JAKMIP3: variants seen among roughly 807,000 people sequenced by gnomAD.
The protein encoded by JAKMIP3 is Janus kinase and microtubule interacting protein 3, also known as janus kinase and microtubule-interacting protein 3.
In JAKMIP3, 58 loss-of-function variants were observed where a neutral mutation model predicts 118.5. The ratio of observed to expected loss-of-function variants is 0.49; its 90% CI spans 0.40 to 0.61. JAKMIP3 has a LOEUF of 0.61. Ranked by LOEUF, JAKMIP3 falls within the 20% of genes least tolerant of loss-of-function variation. JAKMIP3 has a pLI of 0.00. For missense variants in JAKMIP3, 950 were observed against 1,109.0 expected, an observed-to-expected ratio of 0.86 and a Z score of 2.04; for synonymous variants, 486 against 451.2, an observed-to-expected ratio of 1.08 and a Z score of -0.98.
rs760920909 is a variant in JAKMIP3 at position 132,153,838 on chromosome 10, C to T, written c.2142+11C>T. 7 of 1,613,074 alleles carry T rather than the reference C, an allele frequency of 4.3e-6. No homozygotes were observed. The highest frequency in any genetic ancestry group is 1.3e-5 in the African/African-American group (1 of 75,042). The stretch of plus-strand genomic sequence containing the variant: ...CTGGAGAGCGAGAAGGTTGGTGGCA[C>T]CTTCACCGAGGTTCTGCGGCTCGGT... On this transcript the variant is annotated intron_variant, in intron 18 of 23. Transcript: ENST00000684848.
intron 3 of JAKMIP3, among the ~76,000 whole-genome samples, chr10:132,122,403 G>A (rs1327382759): frequency 6.6e-6 from 1 of 152,280 alleles, no homozygotes; most frequent in Non-Finnish European, 1.5e-5. Context: ...AGGCTCCTGG[G>A]TGCCAACGGG....
At chr10:132,067,717 GTGTGGACTCTGGGCTTCCA>G (rs1466473037) in intron 1 of JAKMIP3, among the ~76,000 whole-genome samples, 17 of 146,940 alleles carry the variant, frequency 1.2e-4, no homozygotes, top group African/African-American at 2.6e-4. Context: ...GTGGGCTTCC[GTGTGGACTCTGGGCTTCCA>G]TGTGGACTGG....
intron 5 of JAKMIP3, 64 bp downstream of exon 5, chr10:132,135,224 G>GGCATCC: frequency 6.7e-7 from 1 of 1,502,084 alleles, no homozygotes; most frequent in South Asian, 1.2e-5. Context: ...GGACCTGGGG[G>GGCATCC]GCATCCACTT....
chr10:132,168,404 A>G lies in JAKMIP3; in HGVS notation c.*474A>G. 1 of 1,289,382 alleles carries G rather than the reference A, an allele frequency of 7.8e-7. No homozygotes were observed. The highest frequency in any genetic ancestry group is 1.0e-6 in the Non-Finnish European group (1 of 988,702). The allele number at this position is 1,289,382 out of a possible 1,614,324, so 79.9% of individuals were successfully genotyped here. ...AGAGGCTTGGCCTGATGACAAGATG[A>G]AAGCTGGACGGTGACCTTCATTCAG... On this transcript the variant is annotated 3_prime_UTR_variant, in exon 23 of 24. Transcript: ENST00000684848.
intron 2 of JAKMIP3, among the ~76,000 whole-genome samples, chr10:132,109,288 G>C (rs1315282017): frequency 6.6e-6 from 1 of 152,054 alleles, no homozygotes; most frequent in Non-Finnish European, 1.5e-5. Flanking sequence ...GGGTGACAGA[G>C]CAAGACTGTC....
chr10:132,122,835 G>T (rs554591605), intron 3 of JAKMIP3, among the ~76,000 whole-genome samples: 1 of 152,322 alleles, frequency 6.6e-6, no homozygotes, highest in Non-Finnish European at 1.5e-5. Flanking sequence ...CCCTCTCCCT[G>T]CCCAGAAGGT....
chr10:132,139,006 G>C (rs866604617), intron 9 of JAKMIP3, among the ~76,000 whole-genome samples: 2 of 152,140 alleles, frequency 1.3e-5, no homozygotes. Context: ...GGAGGCTTTG[G>C]AGCAGCTGCC....
chr10:132,145,004 G>A, intron 11 of JAKMIP3, 103 bp from the exon 12 acceptor site: 1 of 881,152 alleles, frequency 1.1e-6, no homozygotes, highest in South Asian at 1.6e-5. Context: ...ACTTCTCAAT[G>A]AACTGAACCA....
intron 2 of JAKMIP3, among the ~76,000 whole-genome samples, chr10:132,110,019 G>A (rs991307700): frequency 1.3e-5 from 2 of 152,254 alleles, no homozygotes; most frequent in Admixed American, 1.3e-4. Context: ...TAGGCCTGCA[G>A]CTGTGGAACT....
chr10:132,143,481 G>A (rs577607534), intron 11 of JAKMIP3, among the ~76,000 whole-genome samples: 1 of 152,276 alleles, frequency 6.6e-6, no homozygotes, highest in African/African-American at 2.4e-5. Context: ...ATTTGCTCGG[G>A]GGCCACATGG....
intron 3 of JAKMIP3, among the ~76,000 whole-genome samples, chr10:132,125,355 C>T (rs550782919): frequency 2.6e-5 from 4 of 152,384 alleles, no homozygotes; most frequent in Admixed American, 1.3e-4. Context: ...ACTGCGATAG[C>T]ACTTTGGTCG....
At chr10:132,157,636 C>T (rs1168822171) in intron 19 of JAKMIP3, among the ~76,000 whole-genome samples, 4 of 152,312 alleles carry the variant, frequency 2.6e-5, no homozygotes, top group Non-Finnish European at 4.4e-5. Flanking sequence ...GCAGGCATGT[C>T]TCTGGTGAGC....
chr10:132,180,175 G>A (rs1303415253), intron 23 of JAKMIP3, among the ~76,000 whole-genome samples: 1 of 152,128 alleles, frequency 6.6e-6, no homozygotes, highest in African/African-American at 2.4e-5. Flanking sequence ...GTTCCCAGAC[G>A]CCAGCCAATG....
intron 2 of JAKMIP3, among the ~76,000 whole-genome samples, chr10:132,107,050 T>C (rs1032319849): frequency 1.7e-5 from 1 of 58,816 alleles, no homozygotes; most frequent in African/African-American, 5.6e-5. Flanking sequence ...TGTCCGGCTA[T>C]TTTTTTTTTT....
chr10:132,171,950 G>A (rs185713816), intron 23 of JAKMIP3, among the ~76,000 whole-genome samples: 13 of 152,106 alleles, frequency 8.5e-5, no homozygotes, highest in Admixed American at 7.8e-4. Context: ...CCCTGCGCCC[G>A]GCCTGTCCCT....
chr10:132,177,689 C>A (rs1331475195), intron 23 of JAKMIP3, among the ~76,000 whole-genome samples: 1 of 131,824 alleles, frequency 7.6e-6, no homozygotes, highest in Non-Finnish European at 1.6e-5. Flanking sequence ...TGCATTTGGC[C>A]GTGGTGTGTG....
At chr10:132,150,138 C>T (rs539402217) in intron 16 of JAKMIP3, 97 bp downstream of exon 16, 1 of 929,782 alleles carries the variant, frequency 1.1e-6, no homozygotes, top group South Asian at 1.5e-5. Context: ...TCCCACAGCC[C>T]TGCCATGGGC....
chr10:132,163,836 C>T (rs2058630985), intron 20 of JAKMIP3, among the ~76,000 whole-genome samples: 1 of 152,258 alleles, frequency 6.6e-6, no homozygotes, highest in African/African-American at 2.4e-5. Flanking sequence ...TTCCGTGACA[C>T]TGTTTCCTGA....
At chr10:132,108,586 G>A (rs78074146) in intron 2 of JAKMIP3, among the ~76,000 whole-genome samples, 14,598 of 151,106 alleles carry the variant, frequency 0.097, 811 homozygotes, top group East Asian at 0.27. Flanking sequence ...TCATTAACTC[G>A]TCCCTCCCCT....
Sources: allele counts gnomAD v4.1 joint callset (sites outside exome capture counted in the v4.1 genomes callset), GRCh38; gene constraint gnomAD v4.1.1; transcripts MANE v1.5; gene names NCBI Gene and HGNC (gene_info 2026-07-23, HGNC 2026-07-21).